The following SSUH2 variants were observed in gnomAD, a reference collection of about 807,000 sequenced individuals.
SSUH2 encodes the protein protein SSUH2 homolog.
Under a neutral mutation model 55.3 loss-of-function variants are expected in SSUH2, and 47 were observed. The ratio of observed to expected loss-of-function variants is 0.85; its 90% CI spans 0.67 to 1.08. The LOEUF (loss-of-function observed/expected upper bound fraction) is 1.08. Ranked by LOEUF, SSUH2 falls within the 50% of genes least tolerant of loss-of-function variation. The pLI is 0.00. For synonymous variants in SSUH2, 212 were observed against 191.5 expected (o/e 1.11, Z -0.89); for missense variants, 535 against 490.7 (o/e 1.09, Z -0.85).
intron 1 of SSUH2, among the ~76,000 whole-genome samples, chr3:8,640,759 C>T (rs964142802): frequency 6.6e-6 from 1 of 152,124 alleles, no homozygotes; most frequent in Non-Finnish European, 1.5e-5. Context: ...TTCACCATGC[C>T]GTGAGACCAA....
chr3:8,641,545 T>G (rs779480509), intron 1 of SSUH2, among the ~76,000 whole-genome samples: 3 of 152,142 alleles, frequency 2.0e-5, no homozygotes, highest in Non-Finnish European at 2.9e-5. Context: ...AGCTTTTTAT[T>G]TCTTACTCAC....
In SSUH2 at chr3:8,630,788, C is replaced by A; in HGVS notation, c.525+17G>T. ...GGAGAAGGGCAAGTATTCCAGTAAT[C>A]GCGTTAATCGTATTACCTTGACCAG... On this transcript the variant is annotated intron_variant, in intron 6 of 11. Transcript: ENST00000544814. The A allele has an allele frequency of 2.9e-6, 4 of 1,363,520 alleles. No individual in the cohort carries two copies. In the South Asian group the frequency reaches 8.7e-5, roughly 30 times the overall value. 84.5% of individuals were successfully genotyped at this position (1,363,520 alleles called of 1,614,324 possible). A position where few individuals can be genotyped will look rare whatever the true frequency, so the allele number is the denominator to read the frequency against.
At chr3:8,676,870 G>A (rs1456177435) in intron 3 of SSUH2, among the ~76,000 whole-genome samples, 1 of 141,054 alleles carries the variant, frequency 7.1e-6, no homozygotes, top group Non-Finnish European at 1.6e-5. Flanking sequence ...CGCAGGGGAG[G>A]AGGCATCCCC....
chr3:8,635,230 G>T, intron 3 of SSUH2, 70 bp downstream of exon 3: 1 of 1,334,806 alleles, frequency 7.5e-7, no homozygotes, highest in Non-Finnish European at 1.0e-6. Context: ...CACTGCCAGG[G>T]CTGAGATCCT....
At chr3:8,666,863 C>G (rs1366009817) in intron 5 of SSUH2, among the ~76,000 whole-genome samples, 1 of 152,204 alleles carries the variant, frequency 6.6e-6, no homozygotes, top group Non-Finnish European at 1.5e-5. Context: ...GGGTTTGACT[C>G]ATTTGCTGGA....
At chr3:8,623,302 G>C in intron 11 of SSUH2, 1 of 506,858 alleles carries the variant, frequency 2.0e-6, no homozygotes, top group South Asian at 2.8e-5. Flanking sequence ...TTAAAACCCT[G>C]CAATCGCTTC....
intron 1 of SSUH2, among the ~76,000 whole-genome samples, chr3:8,681,078 T>C (rs1485047236): frequency 1.0e-5 from 1 of 100,162 alleles, no homozygotes; most frequent in Non-Finnish European, 2.4e-5. Context: ...AGGACTTCCA[T>C]AGCAGGGGGG....
chr3:8,633,931 G>T (rs780472488), intron 3 of SSUH2, 136 bp from the exon 4 acceptor site: 1 of 1,614,006 alleles, frequency 6.2e-7, no homozygotes, highest in Admixed American at 1.7e-5. Context: ...TCCAACTGGG[G>T]AGGGCATCTC....
At chr3:8,676,573 C>A (rs1705301243) in intron 3 of SSUH2, among the ~76,000 whole-genome samples, 1 of 151,018 alleles carries the variant, frequency 6.6e-6, no homozygotes, top group Admixed American at 6.6e-5. Context: ...ACCTCTCGGC[C>A]TCTGAATATT....
chr3:8,673,943 A>C (rs1490018623), intron 3 of SSUH2, among the ~76,000 whole-genome samples: 1 of 151,936 alleles, frequency 6.6e-6, no homozygotes, highest in Non-Finnish European at 1.5e-5. Flanking sequence ...AGGTATGTAT[A>C]CTCCCCTTGA....
At chr3:8,650,592 C>T (rs1218607659) in intron 7 of SSUH2, among the ~76,000 whole-genome samples, 3 of 152,150 alleles carry the variant, frequency 2.0e-5, no homozygotes, top group Non-Finnish European at 4.4e-5. Flanking sequence ...CCAGTTTGTC[C>T]CTGTTTCTAG....
chr3:8,622,363 C>T (rs1696625628), intron 11 of SSUH2, among the ~76,000 whole-genome samples: 1 of 152,168 alleles, frequency 6.6e-6, no homozygotes, highest in Non-Finnish European at 1.5e-5. Flanking sequence ...CCTCAGGAGA[C>T]CTGAGTTCTA....
intron 6 of SSUH2, among the ~76,000 whole-genome samples, chr3:8,660,041 G>T (rs1703321219): frequency 6.6e-6 from 1 of 152,184 alleles, no homozygotes; most frequent in Admixed American, 6.5e-5. Context: ...ATCAGCCACT[G>T]TACCACTCGG....
chr3:8,674,464 G>T (rs1186372309), intron 3 of SSUH2, among the ~76,000 whole-genome samples: 6 of 152,172 alleles, frequency 3.9e-5, no homozygotes, highest in Admixed American at 1.3e-4. Flanking sequence ...CAGAATGATG[G>T]TCGGGGTAGA....
intron 2 of SSUH2, among the ~76,000 whole-genome samples, chr3:8,678,445 TCTCCGCCTCTATCCCCCC>T (rs1575409789): frequency 6.6e-6 from 1 of 151,872 alleles, no homozygotes; most frequent in Non-Finnish European, 1.5e-5. Flanking sequence ...ATTATTATCC[TCTCCGCCTCTATCCCCCC>T]CTGGCTCTTA....
chr3:8,660,243 C>G (rs1305153), intron 6 of SSUH2, among the ~76,000 whole-genome samples: 2 of 152,052 alleles, frequency 1.3e-5, no homozygotes, highest in Admixed American at 6.6e-5. Flanking sequence ...ATAAAGAGAG[C>G]GCTGGTTAGA....
Position 8,621,920 on chromosome 3 carries a change from A to G in SSUH2, c.981+1629T>C, listed in dbSNP as rs116277954. On this transcript the variant is annotated intron_variant, in intron 11 of 11. Transcript: ENST00000544814. ...ATCCAATGGAGAGCATGGCAATACC[A>G]GCCCCCCCACAACCCCCGCAATCCC... 8.5e-3 allele frequency among the ~76,000 whole-genome samples: 1,291 copies of G among 151,980 alleles called. 35 individuals are homozygous for G. The highest frequency in any genetic ancestry group is 0.03 in the African/African-American group (1,234 of 41,432).
At chr3:8,648,572 T>A (rs1402940450), upstream of SSUH2, among the ~76,000 whole-genome samples, 1 of 151,964 alleles carries the variant, frequency 6.6e-6, no homozygotes, top group Non-Finnish European at 1.5e-5. Context: ...TGCCCCCCCA[T>A]CCTGAAGTCT....
intron 3 of SSUH2, among the ~76,000 whole-genome samples, chr3:8,673,610 G>A (rs566351045): frequency 1.3e-5 from 2 of 152,180 alleles, no homozygotes; most frequent in East Asian, 3.8e-4. Flanking sequence ...ATTGCCATCG[G>A]TTGCTCATGT....
Sources: gnomAD v4.1 joint callset for allele counts (sites outside exome capture counted in the v4.1 genomes callset) on GRCh38, gnomAD v4.1.1 for gene constraint, MANE v1.5 for transcripts, NCBI Gene and HGNC (gene_info 2026-07-23, HGNC 2026-07-21) for gene names.